The following POC1A variants were observed in gnomAD, a reference collection of about 807,000 sequenced individuals.
The protein encoded by POC1A is POC1 centriolar protein homolog A.
In POC1A, 34 loss-of-function variants were observed where a neutral mutation model predicts 47.8. The ratio of observed to expected loss-of-function variants is 0.71; its 90% CI spans 0.54 to 0.95. The LOEUF is 0.95. POC1A is among the 40% of genes least tolerant of loss of function. POC1A has a pLI of 0.00. For synonymous variants in POC1A, 177 were observed against 207.6 expected (o/e 0.85, Z 1.27); for missense variants, 466 against 528.3 (o/e 0.88, Z 1.16).
rs1702215089 is a variant in POC1A at position 52,079,374 on chromosome 3, A to T, written c.1126-3389T>A. The stretch of plus-strand genomic sequence containing the variant: ...TATCCTGCTACCAGCGCCTGTCCTC[A>T]CCAGGCTGGAGACAAGGCCACACCT... On this transcript the variant is annotated intron_variant, in intron 10 of 10. Coordinates refer to ENST00000296484, the MANE Select transcript of POC1A (RefSeq NM_015426.5). This position sits in a 1 kb window ranked among gnomAD's most constrained non-coding sequence, Gnocchi z 4.6. Among the ~76,000 whole-genome samples, 1 of 152,172 alleles carries T rather than the reference A, an allele frequency of 6.6e-6. No homozygotes were observed. Among genetic ancestry groups the T allele is most frequent in the South Asian group, 2.1e-4 (1 of 4,824 alleles).
At position 52,146,963 on chromosome 3, in the gene POC1A, T is replaced by C. The variant is rs755568043; in HGVS notation, c.563+25A>G. On this transcript the variant is annotated intron_variant, in intron 5 of 10. Transcript: ENST00000296484. ...TGCTCTGTGCTTGAGCGCCTACAGG[T>C]GGAGGACAGCATCTGGGGACTCACC... 2.1e-5 allele frequency: 33 copies of C among 1,583,566 alleles called. No homozygotes were observed. In the East Asian group the frequency reaches 7.4e-4, roughly 35 times the overall value.
chr3:52,148,459 G>A (rs1698441180), intron 4 of POC1A, among the ~76,000 whole-genome samples: 1 of 152,214 alleles, frequency 6.6e-6, no homozygotes, highest in East Asian at 1.9e-4. Flanking sequence ...CCCTTCCTCT[G>A]AAGCAAAGAT....
intron 10 of POC1A, among the ~76,000 whole-genome samples, chr3:52,096,341 T>TTGGGTGAGCAC (rs1476771331): frequency 6.6e-6 from 1 of 152,226 alleles, no homozygotes; most frequent in African/African-American, 2.4e-5. Context: ...ACTCCAGTAG[T>TTGGGTGAGCAC]ACCCAGCATT....
intron 10 of POC1A, among the ~76,000 whole-genome samples, chr3:52,085,307 C>T (rs933001182): frequency 1.3e-5 from 2 of 152,200 alleles, no homozygotes; most frequent in African/African-American, 4.8e-5. Flanking sequence ...GGTGCCCCTC[C>T]GGCCTGCTCC....
intron 9 of POC1A, among the ~76,000 whole-genome samples, chr3:52,107,107 C>T (rs562143028): frequency 2.0e-5 from 3 of 152,300 alleles, no homozygotes; most frequent in Non-Finnish European, 4.4e-5. Flanking sequence ...TAACTTCAAA[C>T]CAGTAGAGGC....
Position 52,075,734 on chromosome 3 carries a change from G to A in POC1A, c.*153C>T. ...GGTGGAGAGCCTCCTGGTGCAGATA[G>A]CAAGGTGGAGGGCAGAACTGCAAAA... On this transcript the variant is annotated 3_prime_UTR_variant, in exon 11 of 11. Transcript: ENST00000296484. The A allele has an allele frequency of 3.1e-6, 2 of 649,464 alleles. No homozygotes were observed. Among genetic ancestry groups the A allele is most frequent in the Non-Finnish European group, 5.7e-6 (2 of 352,676 alleles). The allele number at this position is 649,464 out of a possible 1,614,324, so 40.2% of individuals were successfully genotyped here.
chr3:52,148,519 T>C (rs1384308524), intron 4 of POC1A, among the ~76,000 whole-genome samples: 2 of 152,222 alleles, frequency 1.3e-5, no homozygotes, highest in Non-Finnish European at 2.9e-5. Flanking sequence ...AAGCTAGAAG[T>C]AGGACTATCT....
intron 1 of POC1A, among the ~76,000 whole-genome samples, chr3:52,152,103 G>A (rs1280431975): frequency 1.3e-5 from 2 of 151,950 alleles, no homozygotes; most frequent in Non-Finnish European, 2.9e-5. Flanking sequence ...GCAAGACCCT[G>A]ACCCTACAAA....
chr3:52,096,078 C>T (rs995591984), intron 10 of POC1A, among the ~76,000 whole-genome samples: 2 of 152,238 alleles, frequency 1.3e-5, no homozygotes, highest in African/African-American at 4.8e-5. Context: ...GCAGGCAGAG[C>T]CCACAACCAC....
chr3:52,154,290 C>CATT, intron 1 of POC1A, 65 bp downstream of exon 1: 1 of 1,499,830 alleles, frequency 6.7e-7, no homozygotes, highest in Non-Finnish European at 9.0e-7. Flanking sequence ...TCGCTCTGGC[C>CATT]ATTAGGCGCC....
chr3:52,094,256 C>T (rs1485917749), intron 10 of POC1A, among the ~76,000 whole-genome samples: 1 of 152,206 alleles, frequency 6.6e-6, no homozygotes, highest in Non-Finnish European at 1.5e-5. Flanking sequence ...GGGTGGCACC[C>T]GAGACCAATA....
intron 8 of POC1A, 31 bp from the exon 9 acceptor site, chr3:52,122,508 G>T: frequency 7.4e-7 from 1 of 1,351,972 alleles, no homozygotes; most frequent in Non-Finnish European, 1.1e-6. Flanking sequence ...ACCAAGTCAG[G>T]AGAAGAAAAT....
At chr3:52,120,658 G>C (rs150266402) in intron 9 of POC1A, among the ~76,000 whole-genome samples, 1 of 152,274 alleles carries the variant, frequency 6.6e-6, no homozygotes, top group Non-Finnish European at 1.5e-5. Flanking sequence ...CCTATTTGAG[G>C]CCCACACAGT....
chr3:52,083,176 G>C (rs1296147517), intron 10 of POC1A, among the ~76,000 whole-genome samples: 1 of 152,164 alleles, frequency 6.6e-6, no homozygotes, highest in Non-Finnish European at 1.5e-5. Context: ...AGAGGTCTCT[G>C]TATGACCCTC....
chr3:52,106,807 C>A (rs1284646006), intron 9 of POC1A, among the ~76,000 whole-genome samples: 1 of 152,212 alleles, frequency 6.6e-6, no homozygotes, highest in Non-Finnish European at 1.5e-5. Flanking sequence ...AGATGGAGGA[C>A]CTGCCCCAGG....
Position 52,102,816 on chromosome 3 carries a change from G to A in POC1A, c.982-6104C>T, listed in dbSNP as rs527959817. The stretch of plus-strand genomic sequence containing the variant: ...CGTATTAAAGGCTCAATGTTGTAAA[G>A]ATGTCAATTTCCTCCCAAATCACCT... On this transcript the variant is annotated intron_variant, in intron 9 of 10. Coordinates refer to ENST00000296484, the MANE Select transcript of POC1A (RefSeq NM_015426.5). Among the ~76,000 whole-genome samples the A allele has an allele frequency of 6.4e-4, 98 of 152,294 alleles. 3 individuals are homozygous for A. In the South Asian group the frequency reaches 0.019, roughly 30 times the overall value.
At chr3:52,122,139 AG>A (rs1478504473) in intron 9 of POC1A, among the ~76,000 whole-genome samples, 2 of 152,244 alleles carry the variant, frequency 1.3e-5, no homozygotes, top group Admixed American at 1.3e-4. Context: ...CAAATGGCAC[AG>A]GCCTGGGGCA....
At chr3:52,123,577 G>C (rs187399624) in intron 8 of POC1A, among the ~76,000 whole-genome samples, 1 of 152,222 alleles carries the variant, frequency 6.6e-6, no homozygotes, top group Admixed American at 6.5e-5. Flanking sequence ...GATGGATGGC[G>C]TCTAGGGTCG....
At chr3:52,120,979 G>A (rs1703760375) in intron 9 of POC1A, among the ~76,000 whole-genome samples, 1 of 152,224 alleles carries the variant, frequency 6.6e-6, no homozygotes, top group African/African-American at 2.4e-5. Flanking sequence ...CCTTGAAATG[G>A]GGAAAAGCAG....
Sources: gnomAD v4.1 joint callset for allele counts (sites outside exome capture counted in the v4.1 genomes callset) on GRCh38, gnomAD v4.1.1 for gene constraint, Gnocchi (gnomAD v3.1) non-coding constraint, MANE v1.5 for transcripts, NCBI Gene and HGNC (gene_info 2026-07-23, HGNC 2026-07-21) for gene names.